COL5A2: variants seen among roughly 807,000 people sequenced by gnomAD.
COL5A2 encodes collagen alpha-2(V) chain.
COL5A2 carries 23 observed loss-of-function variants against 208.2 expected under a neutral mutation model. The observed-to-expected ratio is 0.11, with a 90% CI of 0.08 to 0.16. The LOEUF (loss-of-function observed/expected upper bound fraction) is 0.16. Among genes scored for constraint, COL5A2 ranks in the 10% least tolerant of loss-of-function variants. The pLI, the probability that COL5A2 is intolerant of heterozygous loss-of-function variation, is 1.00. For missense variants in COL5A2, 1,590 were observed against 1,956.4 expected, an observed-to-expected ratio of 0.81 and a Z score of 3.53; for synonymous variants, 625 against 628.5, an observed-to-expected ratio of 0.99 and a Z score of 0.08.
At chr2:189,402,208 G>A in the COL5A2 span, among the ~76,000 whole-genome samples, 1 of 151,762 alleles carries the variant, frequency 6.6e-6, no homozygotes, top group African/African-American at 2.4e-5. Context: ...GGTTTTTGTT[G>A]TTGTCGTTTC....
chr2:189,312,105 A>G, the COL5A2 span: 1 of 810,962 alleles, frequency 1.2e-6, no homozygotes, highest in South Asian at 1.3e-5. Context: ...GGCATTGTCC[A>G]CAGCATTTGC....
chr2:189,357,451 C>G, the COL5A2 span, among the ~76,000 whole-genome samples: 20 of 152,132 alleles, frequency 1.3e-4, no homozygotes, highest in African/African-American at 4.3e-4. Context: ...CTGGCTGCAG[C>G]GGCCTTGCTG....
intron 1 of COL5A2, among the ~76,000 whole-genome samples, chr2:189,222,270 C>T (rs1029755005): frequency 3.3e-5 from 5 of 152,072 alleles, no homozygotes; most frequent in Non-Finnish European, 5.9e-5. Context: ...TTCTTAGGCC[C>T]CTTCCTTAGA....
chr2:189,212,683 C>T (rs1036934549), intron 1 of COL5A2, among the ~76,000 whole-genome samples: 6 of 150,388 alleles, frequency 4.0e-5, no homozygotes, highest in Non-Finnish European at 7.4e-5. Flanking sequence ...CCAGCACAGG[C>T]CCCTACACTG....
At chr2:189,417,515 C>T in the COL5A2 span, among the ~76,000 whole-genome samples, 1 of 151,490 alleles carries the variant, frequency 6.6e-6, no homozygotes, top group Non-Finnish European at 1.5e-5. Context: ...TTTGTTTAAA[C>T]ACAAATAAAT....
At chr2:189,037,032 T>A (rs929904454) in intron 51 of COL5A2, among the ~76,000 whole-genome samples, 18 of 152,104 alleles carry the variant, frequency 1.2e-4, no homozygotes, top group African/African-American at 4.3e-4. Flanking sequence ...GCTCAAAACA[T>A]CCATATGAAG....
intron 35 of COL5A2, among the ~76,000 whole-genome samples, chr2:189,054,455 G>A (rs1685858369): frequency 6.6e-6 from 1 of 152,010 alleles, no homozygotes; most frequent in African/African-American, 2.4e-5. Context: ...CCTAATTCAT[G>A]CATACATAAA....
rs145726508 is a variant in COL5A2 at position 189,071,236 on chromosome 2, C to T, written c.1158+804G>A. On this transcript the variant is annotated intron_variant, in intron 18 of 53. Coordinates refer to ENST00000374866, the MANE Select transcript of COL5A2 (RefSeq NM_000393.5). ...GAGGGGCCAGGTGACTGTCCGTGACCGCAGTCATTTTTGTACAGCATAATC... is the reference window on the plus strand; with the variant it reads ...GAGGGGCCAGGTGACTGTCCGTGACTGCAGTCATTTTTGTACAGCATAATC... 4.7e-3 allele frequency among the ~76,000 whole-genome samples: 721 copies of T among 152,152 alleles called. 1 individual carries two copies. Among genetic ancestry groups the T allele is most frequent in the Non-Finnish European group, 8.4e-3 (572 of 68,016 alleles).
At chr2:189,273,100 GC>G in the COL5A2 span, among the ~76,000 whole-genome samples, 1 of 152,062 alleles carries the variant, frequency 6.6e-6, no homozygotes, top group African/African-American at 2.4e-5. Context: ...AATATATGAT[GC>G]TTTTGTATGT....
intron 2 of COL5A2, among the ~76,000 whole-genome samples, chr2:189,107,861 C>G (rs1687181140): frequency 6.6e-6 from 1 of 151,538 alleles, no homozygotes; most frequent in African/African-American, 2.4e-5. Flanking sequence ...TCTATTAGTT[C>G]CACTAAAATG....
rs1054041204 is a variant in COL5A2, at chr2:189,084,132, T to C, written c.799-95A>G. 4 of 877,720 alleles carry C rather than the reference T, an allele frequency of 4.6e-6. No individual in the cohort carries two copies. The African/African-American group carries it at 5.0e-5, about 11-fold the overall frequency. The allele number at this position is 877,720 out of a possible 1,614,324, so 54.4% of individuals were successfully genotyped here. The stretch of plus-strand genomic sequence containing the variant: ...GATAAATAAATTACTAATAAAACAG[T>C]CTTCTTTAGAAAGCTAATGTACAAT... On this transcript the variant is annotated intron_variant, in intron 11 of 53. Coordinates refer to ENST00000374866, the MANE Select transcript of COL5A2 (RefSeq NM_000393.5).
chr2:189,286,735 T>A, the COL5A2 span, among the ~76,000 whole-genome samples: 2 of 152,206 alleles, frequency 1.3e-5, no homozygotes, highest in Non-Finnish European at 2.9e-5. Flanking sequence ...ATGTAGTTTT[T>A]AAATTATTTT....
chr2:189,231,476 T>G, the COL5A2 span, among the ~76,000 whole-genome samples: 2 of 151,678 alleles, frequency 1.3e-5, no homozygotes, highest in African/African-American at 4.8e-5. Context: ...GTGCCTTTGA[T>G]CCTTTCTCTA....
chr2:189,165,123 A>C (rs577458166), intron 1 of COL5A2, among the ~76,000 whole-genome samples: 1 of 152,364 alleles, frequency 6.6e-6, no homozygotes, highest in South Asian at 2.1e-4. Flanking sequence ...ACAATTGCCA[A>C]AAACTTTATA....
At chr2:189,199,359 G>T (rs1689043334) in intron 1 of COL5A2, among the ~76,000 whole-genome samples, 1 of 152,148 alleles carries the variant, frequency 6.6e-6, no homozygotes, top group African/African-American at 2.4e-5. Context: ...TAAAGAGTAA[G>T]ATTCACAAAG....
intron 51 of COL5A2, among the ~76,000 whole-genome samples, chr2:189,037,705 C>T (rs1432705176): frequency 6.6e-6 from 1 of 152,092 alleles, no homozygotes; most frequent in Non-Finnish European, 1.5e-5. Flanking sequence ...TCCAAAATGT[C>T]TTGGAACCTC....
chr2:189,048,466 C>A (rs916443982), intron 44 of COL5A2, among the ~76,000 whole-genome samples: 3 of 152,142 alleles, frequency 2.0e-5, no homozygotes, highest in Admixed American at 2.0e-4. Context: ...CTTACTTAAT[C>A]CATATTCTTC....
At chr2:189,293,649 C>T in the COL5A2 span, among the ~76,000 whole-genome samples, 1 of 152,276 alleles carries the variant, frequency 6.6e-6, no homozygotes, top group Admixed American at 6.5e-5. Flanking sequence ...GCTAGCTATC[C>T]TCTTCAGCCA....
At chr2:189,110,772 A>G (rs1344883999) in intron 1 of COL5A2, among the ~76,000 whole-genome samples, 1 of 152,152 alleles carries the variant, frequency 6.6e-6, no homozygotes, top group Non-Finnish European at 1.5e-5. Flanking sequence ...AAAGAGGGAT[A>G]AAAGAGAACC....
Sources: gnomAD v4.1 joint callset for allele counts (sites outside exome capture counted in the v4.1 genomes callset) on GRCh38, gnomAD v4.1.1 for gene constraint, MANE v1.5 for transcripts, NCBI Gene and HGNC (gene_info 2026-07-23, HGNC 2026-07-21) for gene names.